Variants in SLC6A11 observed in about 807,000 individuals in gnomAD.
SLC6A11 encodes sodium- and chloride-dependent GABA transporter 3.
Under a neutral mutation model 74.8 loss-of-function variants are expected in SLC6A11, and 25 were observed. The ratio of observed to expected loss-of-function variants is 0.33; its 90% CI spans 0.24 to 0.47. The LOEUF is 0.47. Among genes scored for constraint, SLC6A11 ranks in the 20% least tolerant of loss-of-function variants. The pLI, the probability that SLC6A11 is intolerant of heterozygous loss-of-function variation, is 1.00. For missense variants in SLC6A11, 574 were observed against 837.0 expected, an observed-to-expected ratio of 0.69 and a Z score of 3.88; for synonymous variants, 330 against 330.2, an observed-to-expected ratio of 1.00 and a Z score of 0.01.
intron 10 of SLC6A11, among the ~76,000 whole-genome samples, chr3:10,930,838 G>C (rs756846047): frequency 4.1e-4 from 63 of 151,902 alleles, no homozygotes; most frequent in Admixed American, 7.9e-4. Flanking sequence ...GTGTTTCATG[G>C]CCCCCAGAGG....
At chr3:10,821,035 C>T (rs531681064) in intron 3 of SLC6A11, among the ~76,000 whole-genome samples, 2 of 152,310 alleles carry the variant, frequency 1.3e-5, no homozygotes, top group Admixed American at 6.5e-5. Flanking sequence ...CTGCCCTACT[C>T]CCCTACTCTG....
chr3:10,936,080 C>T (rs754007916), intron 13 of SLC6A11, among the ~76,000 whole-genome samples: 4 of 152,178 alleles, frequency 2.6e-5, no homozygotes, highest in Non-Finnish European at 5.9e-5. Context: ...CCTTCCCTAC[C>T]GCTGGCAGCC....
At chr3:10,927,348 G>T (rs1238440695) in intron 9 of SLC6A11, among the ~76,000 whole-genome samples, 1 of 152,178 alleles carries the variant, frequency 6.6e-6, no homozygotes, top group Non-Finnish European at 1.5e-5. Context: ...TGGGCCTGGG[G>T]GCCCGAGGTC....
At chr3:10,873,449 CCT>C (rs1359847035) in intron 5 of SLC6A11, among the ~76,000 whole-genome samples, 3 of 142,940 alleles carry the variant, frequency 2.1e-5, no homozygotes, top group African/African-American at 7.9e-5. Context: ...CCTATCCTAT[CCT>C]ATGGCATGCT....
At chr3:10,928,299 T>C (rs1472675124) in intron 9 of SLC6A11, among the ~76,000 whole-genome samples, 1 of 152,018 alleles carries the variant, frequency 6.6e-6, no homozygotes, top group Non-Finnish European at 1.5e-5. Flanking sequence ...CCCTCCAGGA[T>C]CCCACCTGCT....
At chr3:10,844,727 G>A (rs1694481697) in intron 5 of SLC6A11, among the ~76,000 whole-genome samples, 1 of 152,140 alleles carries the variant, frequency 6.6e-6, no homozygotes, top group Admixed American at 6.5e-5. Flanking sequence ...GGTGATGCTG[G>A]CTGCCTCCAC....
chr3:10,871,090 G>C (rs1265588095), intron 5 of SLC6A11, among the ~76,000 whole-genome samples: 2 of 152,154 alleles, frequency 1.3e-5, no homozygotes, highest in Non-Finnish European at 2.9e-5. Context: ...ATTATCATCA[G>C]CCACATAATA....
chr3:10,854,503 A>T (rs1694615043), intron 5 of SLC6A11, among the ~76,000 whole-genome samples: 1 of 152,272 alleles, frequency 6.6e-6, no homozygotes, highest in South Asian at 2.1e-4. Flanking sequence ...GTGTAATCAG[A>T]GCTAACACTG....
intron 5 of SLC6A11, among the ~76,000 whole-genome samples, chr3:10,853,318 C>T (rs1427519285): frequency 1.3e-5 from 2 of 152,158 alleles, no homozygotes; most frequent in Non-Finnish European, 2.9e-5. Flanking sequence ...ATGACATGAG[C>T]CTGGGACTGG....
chr3:10,844,681 G>T (rs185821825), intron 5 of SLC6A11, among the ~76,000 whole-genome samples: 1 of 152,330 alleles, frequency 6.6e-6, no homozygotes, highest in Non-Finnish European at 1.5e-5. Context: ...GGGTTCTTTG[G>T]TAATGAAGAC....
chr3:10,827,345 T>C (rs1343804105), intron 4 of SLC6A11, among the ~76,000 whole-genome samples: 3 of 152,136 alleles, frequency 2.0e-5, no homozygotes, highest in African/African-American at 7.2e-5. Context: ...CTAAATGCAG[T>C]CTGGGAAACA....
intron 11 of SLC6A11, 23 bp downstream of exon 11, chr3:10,933,276 C>T (rs1353331213): frequency 1.3e-6 from 2 of 1,533,860 alleles, no homozygotes; most frequent in Non-Finnish European, 1.8e-6. Context: ...CAAGCCCGTC[C>T]ACACCCCAGC....
At chr3:10,819,135 A>T (rs144822136) in intron 1 of SLC6A11, among the ~76,000 whole-genome samples, 8 of 152,318 alleles carry the variant, frequency 5.3e-5, no homozygotes, top group African/African-American at 1.9e-4. Context: ...ACGCTGGAGG[A>T]TGAAATGTAA....
At chr3:10,922,929 G>T (rs981753629) in intron 8 of SLC6A11, among the ~76,000 whole-genome samples, 7 of 152,102 alleles carry the variant, frequency 4.6e-5, no homozygotes, top group Non-Finnish European at 7.4e-5. Context: ...CACAACTGTT[G>T]TAAGTGTGTA....
In SLC6A11 at chr3:10,816,381, C is replaced by T; in HGVS notation, c.116C>T (p.Pro39Leu). ...GGGGGCGCGGCGCCCGCGCGCCACC[C>T]GCGCGTCAAGCGCGACAAGGCGGTC... ...SSGGAAPARH[P>L]RVKRDKAVHE... Residue 39 changes from proline (P) to leucine (L), a missense_variant, in exon 1 of 14, where the codon CCG (proline) becomes CTG (leucine). Transcript: ENST00000254488. This position sits in a 1 kb window ranked among gnomAD's most constrained non-coding sequence, Gnocchi z 4.2. The T allele has an allele frequency of 6.6e-7, 1 of 1,505,866 alleles. No homozygotes were observed. Among genetic ancestry groups the T allele is most frequent in the Non-Finnish European group, 8.9e-7 (1 of 1,128,404 alleles). 93.3% of individuals were successfully genotyped at this position (1,505,866 alleles called of 1,614,324 possible).
At chr3:10,825,048 G>A (rs7650862) in intron 4 of SLC6A11, 3 of 151,880 alleles carry the variant, frequency 2.0e-5, no homozygotes, top group South Asian at 2.1e-4. Context: ...GCTGGGTAGT[G>A]GTTCATGCCT....
intron 3 of SLC6A11, among the ~76,000 whole-genome samples, chr3:10,823,063 G>T (rs1413983126): frequency 1.3e-5 from 2 of 152,156 alleles, no homozygotes; most frequent in Non-Finnish European, 2.9e-5. Context: ...GATAGGGAGT[G>T]TTGGTTAGGA....
At chr3:10,887,910 A>C (rs1237614494) in intron 6 of SLC6A11, among the ~76,000 whole-genome samples, 1 of 152,232 alleles carries the variant, frequency 6.6e-6, no homozygotes, top group East Asian at 1.9e-4. Context: ...AATAAGATGA[A>C]GTCAGTAGAC....
intron 8 of SLC6A11, among the ~76,000 whole-genome samples, chr3:10,919,370 TG>T (rs1201868900): frequency 6.6e-6 from 1 of 152,170 alleles, no homozygotes; most frequent in Non-Finnish European, 1.5e-5. Context: ...GCATGTCCAG[TG>T]GGACATATTT....
Sources: gnomAD v4.1 joint callset for allele counts (sites outside exome capture counted in the v4.1 genomes callset) on GRCh38, gnomAD v4.1.1 for gene constraint, Gnocchi (gnomAD v3.1) non-coding constraint, MANE v1.5 for transcripts, NCBI Gene and HGNC (gene_info 2026-07-23, HGNC 2026-07-21) for gene names.